Variants in PLEKHG4B observed in about 807,000 individuals in gnomAD.
The protein encoded by PLEKHG4B is pleckstrin homology domain-containing family G member 4B.
In PLEKHG4B, 111 loss-of-function variants were observed where a neutral mutation model predicts 121.3. That is an observed-to-expected ratio of 0.92 (90% CI 0.78 to 1.07). The LOEUF is 1.07. Among genes scored for constraint, PLEKHG4B ranks in the 50% least tolerant of loss-of-function variants. PLEKHG4B has a pLI of 0.00. For missense variants in PLEKHG4B, 1,831 were observed against 1,757.8 expected (o/e 1.04, Z -0.74); for synonymous variants, 738 against 725.0 (o/e 1.02, Z -0.29).
At chr5:147,950 A>G (rs555918646) in intron 6 of PLEKHG4B, among the ~76,000 whole-genome samples, 4 of 152,322 alleles carry the variant, frequency 2.6e-5, no homozygotes, top group Non-Finnish European at 4.4e-5. Flanking sequence ...AAAACTGATC[A>G]GTGTAAACAG....
chr5:174,196 A>G (rs1046978697), intron 18 of PLEKHG4B, 98 bp downstream of exon 18: 4 of 222,822 alleles, frequency 1.8e-5, no homozygotes, highest in East Asian at 1.8e-4. Context: ...GGCTGAGTCC[A>G]GGGGCCAGGG....
chr5:175,383 C>T (rs1052036540), intron 18 of PLEKHG4B, among the ~76,000 whole-genome samples: 1 of 152,114 alleles, frequency 6.6e-6, no homozygotes, highest in Non-Finnish European at 1.5e-5. Context: ...CGGCTGCGAA[C>T]ACCACCTTCA....
rs767011634 is a variant in PLEKHG4B, at chr5:143,068, G to A, written c.1499G>A (p.Cys500Tyr). 2 of 1,613,342 alleles carry A rather than the reference G, an allele frequency of 1.2e-6. No individual in the cohort carries two copies. The highest frequency in any genetic ancestry group is 8.5e-7 in the Non-Finnish European group (1 of 1,179,990). Residue 500 changes from cysteine (C) to tyrosine (Y), a missense_variant, in exon 4 of 20, where the codon TGT (cysteine) becomes TAT (tyrosine). Coordinates refer to ENST00000637938, the MANE Select transcript of PLEKHG4B (RefSeq NM_052909.5). ...CCAGACGTTCTTGCATCCTCAGCCT[G>A]TGTCAGCACAGACGGCGGCAGCCTC... Reference protein sequence around the residue: ...KEEDVLASSACVSTDGGSLHC... With the variant: ...KEEDVLASSAYVSTDGGSLHC...
In PLEKHG4B at chr5:123,437, T is replaced by C. The variant is rs549987134; in HGVS notation, c.243+9989T>C. Among the ~76,000 whole-genome samples the C allele has an allele frequency of 2.0e-5, 3 of 152,316 alleles. No homozygotes were observed. In the East Asian group the frequency reaches 5.8e-4, roughly 29 times the overall value. ...CTCCTCTTTAATTTTTTGGAAAAATTAGAGAAGGGGTGGTATTCTTCTTTA... is the reference window on the plus strand; with the variant it reads ...CTCCTCTTTAATTTTTTGGAAAAATCAGAGAAGGGGTGGTATTCTTCTTTA... On this transcript the variant is annotated intron_variant, in intron 2 of 19. Coordinates refer to ENST00000637938, the MANE Select transcript of PLEKHG4B (RefSeq NM_052909.5).
Position 157,415 on chromosome 5 carries a change from G to A in PLEKHG4B, c.2487+504G>A, listed in dbSNP as rs1249430041. Among the ~76,000 whole-genome samples the A allele has an allele frequency of 2.0e-5, 3 of 152,146 alleles. No homozygotes were observed. The highest frequency in any genetic ancestry group is 6.5e-5 in the Admixed American group (1 of 15,276). ...GGACAAATCGGGAGGGGGTGATGAC[G>A]GAAGTGGCTTTTCATGAATTCTCTG... On this transcript the variant is annotated intron_variant, in intron 11 of 19. Transcript: ENST00000637938. The surrounding 1 kb of genome is among the most constrained non-coding windows in gnomAD (Gnocchi z 4.6).
chr5:177,157 A>G (rs1319064679), intron 18 of PLEKHG4B, among the ~76,000 whole-genome samples: 2 of 152,044 alleles, frequency 1.3e-5, no homozygotes, highest in Non-Finnish European at 2.9e-5. Flanking sequence ...TAACTTTTTC[A>G]GTGTTTCATT....
At chr5:98,356 T>G (rs895625409) in intron 1 of PLEKHG4B, among the ~76,000 whole-genome samples, 4 of 151,754 alleles carry the variant, frequency 2.6e-5, no homozygotes, top group African/African-American at 9.7e-5. Context: ...CCTGGGTTTG[T>G]TTCCAGACCT....
At position 189,291 on chromosome 5, in the gene PLEKHG4B, A is replaced by AC. The variant is rs1733719131; in HGVS notation, c.*6973dup. On this transcript the variant is annotated 3_prime_UTR_variant, in exon 20 of 20. Transcript: ENST00000637938. ...GGGTGACCCAGGGTGGGAACACCAG[A>AC]CCCCCTCACCCCGTGTCCACCGCCC... The AC allele has an allele frequency of 2.0e-5, 3 of 152,178 alleles. No homozygotes were observed. Among genetic ancestry groups the AC allele is most frequent in the Non-Finnish European group, 2.9e-5 (2 of 68,096 alleles). 9.4% of individuals were successfully genotyped at this position (152,178 alleles called of 1,614,324 possible).
In PLEKHG4B at chr5:137,573, A is replaced by C. The variant is rs1041701217; in HGVS notation, c.244-1910A>C. Among the ~76,000 whole-genome samples, 1 of 152,170 alleles carries C rather than the reference A, an allele frequency of 6.6e-6. No homozygotes were observed. The highest frequency in any genetic ancestry group is 1.5e-5 in the Non-Finnish European group (1 of 68,038). ...GTTTGGAAATAGGTTTTGTCTCATCAAATATTTGATATGTAGAGACCTGTA... is the reference window on the plus strand; with the variant it reads ...GTTTGGAAATAGGTTTTGTCTCATCCAATATTTGATATGTAGAGACCTGTA... On this transcript the variant is annotated intron_variant, in intron 2 of 19. Coordinates refer to ENST00000637938, the MANE Select transcript of PLEKHG4B (RefSeq NM_052909.5). This position sits in a 1 kb window ranked among gnomAD's most constrained non-coding sequence, Gnocchi z 4.2.
At chr5:110,645 C>T (rs1006853878) in intron 1 of PLEKHG4B, among the ~76,000 whole-genome samples, 10 of 151,848 alleles carry the variant, frequency 6.6e-5, no homozygotes, top group Non-Finnish European at 5.9e-5. Context: ...GTGCACACAT[C>T]CACACAATCT....
intron 1 of PLEKHG4B, among the ~76,000 whole-genome samples, chr5:107,839 C>T (rs1734021929): frequency 6.6e-6 from 1 of 152,210 alleles, no homozygotes; most frequent in South Asian, 2.1e-4. Flanking sequence ...CCCACTAGCT[C>T]CCAATGCAGT....
At chr5:132,528 C>T (rs914650487) in intron 2 of PLEKHG4B, among the ~76,000 whole-genome samples, 6 of 152,068 alleles carry the variant, frequency 3.9e-5, no homozygotes, top group African/African-American at 1.4e-4. Flanking sequence ...GGTTTCTGGT[C>T]TTAGATTTAA....
chr5:188,850 TGTGTATCAG>T lies in PLEKHG4B; in HGVS notation c.*6532_*6540del, dbSNP rs1475160330. 6.6e-6 allele frequency: 1 copy of T among 152,216 alleles called. No homozygotes were observed. Among genetic ancestry groups the T allele is most frequent in the Non-Finnish European group, 1.5e-5 (1 of 68,056 alleles). The allele number at this position is 152,216 out of a possible 1,614,324, so 9.4% of individuals were successfully genotyped here. A position where few individuals can be genotyped will look rare whatever the true frequency, so the allele number is the denominator to read the frequency against. The stretch of plus-strand genomic sequence containing the variant: ...CTCTCCATCCGGCCTGGCCCCACCG[TGTGTATCAG>T]GTGTCAGAGGCCTTGCTGGGTGCCA... On this transcript the variant is annotated 3_prime_UTR_variant, in exon 20 of 20. Transcript: ENST00000637938.
intron 9 of PLEKHG4B, 71 bp from the exon 10 acceptor site, chr5:156,000 A>G: frequency 1.5e-6 from 2 of 1,377,372 alleles, no homozygotes; most frequent in Non-Finnish European, 1.9e-6. Flanking sequence ...CATTCCTGCC[A>G]CTGTCACACT....
At chr5:141,934 C>G (rs965965155) in intron 3 of PLEKHG4B, among the ~76,000 whole-genome samples, 9 of 152,148 alleles carry the variant, frequency 5.9e-5, no homozygotes, top group African/African-American at 2.2e-4. Flanking sequence ...CCTGCCTGGC[C>G]TGACCAGGGG....
At chr5:110,945 C>T (rs1734139626) in intron 1 of PLEKHG4B, among the ~76,000 whole-genome samples, 1 of 152,276 alleles carries the variant, frequency 6.6e-6, no homozygotes, top group Non-Finnish European at 1.5e-5. Context: ...GCTTGCAGGT[C>T]CCCTGCCCTG....
Position 185,484 on chromosome 5 carries a change from A to G in PLEKHG4B, c.*3161A>G, listed in dbSNP as rs892674556. The stretch of plus-strand genomic sequence containing the variant: ...AAGTCGTTACCTCTGCGTCCTGAGT[A>G]TGGACAGCCACCATCACACAGCCCC... On this transcript the variant is annotated 3_prime_UTR_variant, in exon 20 of 20. Coordinates refer to ENST00000637938, the MANE Select transcript of PLEKHG4B (RefSeq NM_052909.5). The G allele has an allele frequency of 6.6e-6, 1 of 152,180 alleles. No homozygotes were observed. Among genetic ancestry groups the G allele is most frequent in the African/African-American group, 2.4e-5 (1 of 41,434 alleles). 9.4% of individuals were successfully genotyped at this position (152,180 alleles called of 1,614,324 possible).
At chr5:94,248 G>A (rs936354437) in intron 1 of PLEKHG4B, among the ~76,000 whole-genome samples, 3 of 152,220 alleles carry the variant, frequency 2.0e-5, no homozygotes, top group Admixed American at 6.5e-5. Context: ...CTGCGGCAGC[G>A]GTTCTGTTCC....
At chr5:154,581 G>A (rs1341257724) in intron 7 of PLEKHG4B, among the ~76,000 whole-genome samples, 2 of 151,004 alleles carry the variant, frequency 1.3e-5, no homozygotes, top group African/African-American at 2.4e-5. Flanking sequence ...ACACCAGAAG[G>A]AGAAGAGCCT....
Sources: allele counts gnomAD v4.1 joint callset (sites outside exome capture counted in the v4.1 genomes callset), GRCh38; gene constraint gnomAD v4.1.1; non-coding constraint Gnocchi (gnomAD v3.1); transcripts MANE v1.5; gene names NCBI Gene and HGNC (gene_info 2026-07-23, HGNC 2026-07-21).